Variants in VPS13C observed in about 807,000 individuals in gnomAD.
VPS13C encodes the protein intermembrane lipid transfer protein VPS13C.
In VPS13C, 358 loss-of-function variants were observed where a neutral mutation model predicts 456.8. That is an observed-to-expected ratio of 0.78 (90% CI 0.72 to 0.86). VPS13C has a LOEUF of 0.86. Among genes scored for constraint, VPS13C ranks in the 40% least tolerant of loss-of-function variants. The probability of loss-of-function intolerance (pLI) is 0.00; values close to 1 mark genes in which losing one functional copy is unlikely to be tolerated. For synonymous variants in VPS13C, 1,578 were observed against 1,486.7 expected, an observed-to-expected ratio of 1.06 and a Z score of -1.41; for missense variants, 4,818 against 4,385.4, an observed-to-expected ratio of 1.10 and a Z score of -2.79.
chr15:61,922,428 A>G lies in VPS13C; in HGVS notation c.6944T>C (p.Leu2315Pro). Residue 2315 changes from leucine to proline, a missense_variant, in exon 54 of 85, where the codon CTA becomes CCA. By Grantham distance (98) the Leu-to-Pro change is moderately conservative. Around this residue, in one of 3 missense-constraint regions of VPS13C, gnomAD observed 4,552 missense variants for 4,130.6 expected, o/e 1.10. Coordinates refer to ENST00000644861, the MANE Select transcript of VPS13C (RefSeq NM_020821.3). The stretch of plus-strand genomic sequence containing the variant: ...TGTCACGTCAGCAACAGCAGCCATT[A>G]GAGAAGTCCAATTTTTAATATTTCC... ...FSGNIKNWTSLMAAVADVTLQ... is the reference protein window; with the variant it reads ...FSGNIKNWTSPMAAVADVTLQ... The G allele has an allele frequency of 6.2e-7, 1 of 1,613,828 alleles. No homozygotes were observed. Among genetic ancestry groups the G allele is most frequent in the South Asian group, 1.1e-5 (1 of 91,058 alleles).
At chr15:62,006,537 C>T (rs1033534664) in intron 15 of VPS13C, among the ~76,000 whole-genome samples, 4 of 152,142 alleles carry the variant, frequency 2.6e-5, no homozygotes, top group Admixed American at 6.5e-5. Context: ...CAAGTCTTTG[C>T]TATTGTGAAT....
chr15:62,046,745 G>T (rs914893112), intron 1 of VPS13C, among the ~76,000 whole-genome samples: 2 of 152,178 alleles, frequency 1.3e-5, no homozygotes, highest in East Asian at 3.9e-4. Context: ...CTTATAAAAA[G>T]TGGGCTGTTT....
At chr15:62,032,893 C>A (rs2047865630) in intron 5 of VPS13C, among the ~76,000 whole-genome samples, 1 of 151,594 alleles carries the variant, frequency 6.6e-6, no homozygotes, top group African/African-American at 2.4e-5. Context: ...CAAACAAAGT[C>A]ATCAGATTTA....
At position 62,041,360 on chromosome 15, in the gene VPS13C, A is replaced by G. The variant is rs2048235595; in HGVS notation, c.151T>C (p.Leu51=). 1 of 1,606,012 alleles carries G rather than the reference A, an allele frequency of 6.2e-7. No homozygotes were observed. Among genetic ancestry groups the G allele is most frequent in the African/African-American group, 1.3e-5 (1 of 74,396 alleles). Residue 51 remains leucine, a synonymous_variant, in exon 3 of 85, where the codon TTG becomes CTG. Transcript: ENST00000644861. ...GCCTTGACTTTAAAAGGAACATCCA[A>G]TTCACTCTTCAGAAGAAAGAGAAAA... ...LQIKENALSE[L]DVPFKVKAGQ... is the part of the protein sequence containing the mutation.
At chr15:62,049,058 G>A (rs1374164743) in intron 1 of VPS13C, among the ~76,000 whole-genome samples, 1 of 151,536 alleles carries the variant, frequency 6.6e-6, no homozygotes, top group Non-Finnish European at 1.5e-5. Flanking sequence ...TAGGTTGCCT[G>A]TTCACTCTGA....
intron 1 of VPS13C, among the ~76,000 whole-genome samples, chr15:62,058,376 G>A (rs927666310): frequency 6.6e-6 from 1 of 152,098 alleles, no homozygotes; most frequent in Non-Finnish European, 1.5e-5. Flanking sequence ...ATTGAGTGTG[G>A]TGGGGGGATG....
At chr15:61,969,194 G>T in intron 28 of VPS13C, 105 bp downstream of exon 28, 1 of 829,974 alleles carries the variant, frequency 1.2e-6, no homozygotes, top group Non-Finnish European at 1.8e-6. Flanking sequence ...GCTTACAACA[G>T]TGTAGCTATT....
At chr15:62,003,468 G>A (rs865859981) in intron 15 of VPS13C, among the ~76,000 whole-genome samples, 4 of 152,074 alleles carry the variant, frequency 2.6e-5, no homozygotes, top group Non-Finnish European at 5.9e-5. Context: ...TCTGCAAACA[G>A]GGACAATTTG....
At position 62,020,469 on chromosome 15, in the gene VPS13C, C is replaced by T; in HGVS notation, c.684+10G>A. On this transcript the variant is annotated intron_variant, in intron 9 of 84. Transcript: ENST00000644861. Reference sequence around the variant, plus strand: ...GGTTCCATAGAAGTTTAAAATAAAGCAAACATTACCAGTAGACTAAGCTCT... The same window carrying T: ...GGTTCCATAGAAGTTTAAAATAAAGTAAACATTACCAGTAGACTAAGCTCT... The T allele has an allele frequency of 6.2e-7, 1 of 1,605,338 alleles. No individual in the cohort carries two copies. Among genetic ancestry groups the T allele is most frequent in the South Asian group, 1.1e-5 (1 of 89,836 alleles).
In VPS13C at chr15:62,023,763, A is replaced by T; in HGVS notation, c.514+17T>A. On this transcript the variant is annotated intron_variant, in intron 7 of 84. Transcript: ENST00000644861. ...TGTGTATAAACAACACCATGGCATA[A>T]AACTACTTTTACCTACCTTTTGAAC... The T allele has an allele frequency of 6.2e-7, 1 of 1,604,214 alleles. No individual in the cohort carries two copies. The highest frequency in any genetic ancestry group is 1.3e-5 in the African/African-American group (1 of 74,580).
At chr15:61,856,687 CTTTTTTTT>C (rs542779595) in intron 82 of VPS13C, 24 of 114,798 alleles carry the variant, frequency 2.1e-4, no homozygotes, top group African/African-American at 3.5e-4. Flanking sequence ...TTTTTCTTTT[CTTTTTTTT>C]TTTTTTTTTT....
intron 6 of VPS13C, among the ~76,000 whole-genome samples, chr15:62,025,632 T>C (rs894129586): frequency 4.6e-5 from 7 of 152,236 alleles, no homozygotes; most frequent in African/African-American, 1.7e-4. Flanking sequence ...TTCATCTCAA[T>C]GGCAGATACA....
chr15:62,044,994 CAT>C (rs1426556698), intron 1 of VPS13C, among the ~76,000 whole-genome samples: 9 of 152,072 alleles, frequency 5.9e-5, no homozygotes, highest in Admixed American at 5.9e-4. Flanking sequence ...ATTTATGACA[CAT>C]ATATTTTTTA....
intron 24 of VPS13C, among the ~76,000 whole-genome samples, chr15:61,976,596 G>A (rs1252319231): frequency 6.6e-6 from 1 of 151,924 alleles, no homozygotes. Flanking sequence ...CGGCTATATA[G>A]CTAAGGCAAT....
chr15:61,934,581 A>G (rs1042385119), intron 48 of VPS13C, among the ~76,000 whole-genome samples: 6 of 152,158 alleles, frequency 3.9e-5, no homozygotes, highest in African/African-American at 1.4e-4. Context: ...ATTTTTTTTT[A>G]AAGAGGAGGC....
intron 16 of VPS13C, among the ~76,000 whole-genome samples, chr15:61,993,133 C>T (rs1042428122): frequency 6.6e-6 from 1 of 152,026 alleles, no homozygotes; most frequent in African/African-American, 2.4e-5. Context: ...AAGTTTGAAC[C>T]TCTCTTAGAT....
In VPS13C at chr15:61,985,055, T is replaced by C. The variant is rs576424815; in HGVS notation, c.1579-56A>G. Reference sequence around the variant, plus strand: ...AAAGTTTAAATAATTATTACTTTCTTTAATAATTTCTTATTTAAATTTGCT... The same window carrying C: ...AAAGTTTAAATAATTATTACTTTCTCTAATAATTTCTTATTTAAATTTGCT... On this transcript the variant is annotated intron_variant, in intron 18 of 84. Coordinates refer to ENST00000644861, the MANE Select transcript of VPS13C (RefSeq NM_020821.3). 86 of 1,245,724 alleles carry C rather than the reference T, an allele frequency of 6.9e-5. No individual in the cohort carries two copies. In the African/African-American group the frequency reaches 1.3e-3, roughly 18 times the overall value. 77.2% of individuals were successfully genotyped at this position (1,245,724 alleles called of 1,614,324 possible).
At chr15:62,008,592 C>A in intron 14 of VPS13C, 63 bp downstream of exon 14, 1 of 1,199,858 alleles carries the variant, frequency 8.3e-7, no homozygotes, top group Non-Finnish European at 1.1e-6. Context: ...TTGCTTAACT[C>A]TGAGAGTAAC....
intron 59 of VPS13C, 39 bp from the exon 60 acceptor site, chr15:61,917,674 C>A (rs1166144932): frequency 1.3e-6 from 2 of 1,573,070 alleles, no homozygotes; most frequent in Admixed American, 1.8e-5. Flanking sequence ...AGTTTTGATC[C>A]ACAACTTAAA....
Sources: gnomAD v4.1 joint callset for allele counts (sites outside exome capture counted in the v4.1 genomes callset) on GRCh38, gnomAD v4.1.1 for gene constraint, gnomAD v4.1.1 regional missense constraint, MANE v1.5 for transcripts, NCBI Gene and HGNC (gene_info 2026-07-23, HGNC 2026-07-21) for gene names.